Variants in USP31 observed in about 807,000 individuals in gnomAD.
USP31 encodes ubiquitin carboxyl-terminal hydrolase 31.
Under a neutral mutation model 119.4 loss-of-function variants are expected in USP31, and 44 were observed. That is an observed-to-expected ratio of 0.37 (90% CI 0.29 to 0.47). The LOEUF is 0.47. Among genes scored for constraint, USP31 ranks in the 20% least tolerant of loss-of-function variants. The probability of loss-of-function intolerance (pLI) is 0.99; values close to 1 mark genes in which losing one functional copy is unlikely to be tolerated. For synonymous variants in USP31, 749 were observed against 705.6 expected (o/e 1.06, Z -0.97); for missense variants, 1,643 against 1,730.2 (o/e 0.95, Z 0.89).
At chr16:23,130,275 C>G (rs144462208) in intron 1 of USP31, among the ~76,000 whole-genome samples, 21 of 152,238 alleles carry the variant, frequency 1.4e-4, no homozygotes, top group African/African-American at 4.3e-4. Flanking sequence ...TAATAAGATT[C>G]ATCTGGCAGC....
chr16:23,134,902 A>T (rs1210068532), intron 1 of USP31, among the ~76,000 whole-genome samples: 1 of 151,794 alleles, frequency 6.6e-6, no homozygotes, highest in Non-Finnish European at 1.5e-5. Context: ...ACACACACAC[A>T]CACACACACA....
chr16:23,092,564 A>G (rs1269280636), intron 6 of USP31, among the ~76,000 whole-genome samples: 1 of 152,194 alleles, frequency 6.6e-6, no homozygotes, highest in Admixed American at 6.5e-5. Flanking sequence ...CCTGCAGGTA[A>G]AGGGAGTGAG....
rs1034522603 is a variant in USP31, at chr16:23,062,347, A to C, written c.*5699T>G. The C allele has an allele frequency of 2.6e-5, 4 of 152,062 alleles. No homozygotes were observed. Among genetic ancestry groups the C allele is most frequent in the African/African-American group, 4.8e-5 (2 of 41,312 alleles). The allele number at this position is 152,062 out of a possible 1,614,324, so 9.4% of individuals were successfully genotyped here. ...AAACAAAAAACAAAACAAAACAAAA[A>C]CACGAAAAAATAGCAATAAGGGTTT... On this transcript the variant is annotated 3_prime_UTR_variant, in exon 16 of 16. Transcript: ENST00000219689.
intron 1 of USP31, among the ~76,000 whole-genome samples, chr16:23,125,441 A>C (rs1215754302): frequency 1.3e-5 from 2 of 152,224 alleles, no homozygotes; most frequent in East Asian, 3.9e-4. Flanking sequence ...CAGCTGCCTG[A>C]CATCACAATA....
chr16:23,103,686 A>G (rs1158175203), intron 5 of USP31, among the ~76,000 whole-genome samples: 2 of 152,228 alleles, frequency 1.3e-5, no homozygotes, highest in East Asian at 1.9e-4. Context: ...AGGCCAAGAC[A>G]GAAGGACTGC....
intron 2 of USP31, among the ~76,000 whole-genome samples, chr16:23,107,228 A>G (rs1049221177): frequency 6.6e-6 from 1 of 152,100 alleles, no homozygotes; most frequent in East Asian, 1.9e-4. Flanking sequence ...TTAACTTTTC[A>G]TGTCCCTCCG....
intron 2 of USP31, among the ~76,000 whole-genome samples, chr16:23,107,487 A>C (rs981062927): frequency 6.6e-6 from 1 of 152,244 alleles, no homozygotes; most frequent in South Asian, 2.1e-4. Flanking sequence ...GAATTATCAA[A>C]AACTTTAAAA....
rs143371027 is a variant in USP31, at chr16:23,074,150, G to C, written c.2177-270C>G. ...ATTTAAACCAATGGGTCTCAACCAGGGAACTGTGTCTGTGGCGGGGGGAGT... is the reference window on the plus strand; with the variant it reads ...ATTTAAACCAATGGGTCTCAACCAGCGAACTGTGTCTGTGGCGGGGGGAGT... On this transcript the variant is annotated intron_variant, in intron 13 of 15. Coordinates refer to ENST00000219689, the MANE Select transcript of USP31 (RefSeq NM_020718.4). Among the ~76,000 whole-genome samples the C allele has an allele frequency of 2.6e-5, 4 of 152,320 alleles. No individual in the cohort carries two copies. The East Asian group carries it at 7.7e-4, about 29-fold the overall frequency.
intron 6 of USP31, among the ~76,000 whole-genome samples, chr16:23,099,465 C>T (rs745393564): frequency 6.6e-6 from 1 of 152,128 alleles, no homozygotes; most frequent in Non-Finnish European, 1.5e-5. Context: ...AATCCCATTA[C>T]TGGGTATATA....
intron 6 of USP31, among the ~76,000 whole-genome samples, chr16:23,100,160 C>T (rs949683594): frequency 2.0e-5 from 3 of 152,160 alleles, no homozygotes; most frequent in South Asian, 2.1e-4. Flanking sequence ...CACAACCCAG[C>T]AGTTCTATTC....
chr16:23,149,104 G>A lies in USP31; in HGVS notation c.167C>T (p.Ser56Phe), dbSNP rs906763603. ...PAAPSSPSSP[S>F]SARSVGSFMS... The stretch of plus-strand genomic sequence containing the variant: ...GAAGCTGCCCACCGAGCGTGCAGAG[G>A]AGGGCGAGGAGGGCGAGGAAGGCGC... Residue 56 changes from serine to phenylalanine, a missense_variant, in exon 1 of 16, where the codon TCC becomes TTC. Coordinates refer to ENST00000219689, the MANE Select transcript of USP31 (RefSeq NM_020718.4). The A allele has an allele frequency of 9.5e-6, 12 of 1,260,982 alleles. No individual in the cohort carries two copies. The Admixed American group carries it at 1.1e-4, about 12-fold the overall frequency. The allele number at this position is 1,260,982 out of a possible 1,614,324, so 78.1% of individuals were successfully genotyped here.
At chr16:23,097,277 C>T (rs1183811932) in intron 6 of USP31, among the ~76,000 whole-genome samples, 2 of 152,146 alleles carry the variant, frequency 1.3e-5, no homozygotes, top group Non-Finnish European at 2.9e-5. Context: ...ATACACCCTC[C>T]CAAGACTAAA....
In USP31 at chr16:23,064,092, CAAAT is replaced by C. The variant is rs1289725856; in HGVS notation, c.*3950_*3953del. On this transcript the variant is annotated 3_prime_UTR_variant, in exon 16 of 16. Coordinates refer to ENST00000219689, the MANE Select transcript of USP31 (RefSeq NM_020718.4). ...CAGCAAAGTTTGCCTTTCTCAACTA[CAAAT>C]AATACAAAGTTCCACGCACCTCCAG... 1 of 152,622 alleles carries C rather than the reference CAAAT, an allele frequency of 6.6e-6. No homozygotes were observed. The highest frequency in any genetic ancestry group is 1.5e-5 in the Non-Finnish European group (1 of 68,028). The allele number at this position is 152,622 out of a possible 1,614,324, so 9.5% of individuals were successfully genotyped here. A position where few individuals can be genotyped will look rare whatever the true frequency, so the allele number is the denominator to read the frequency against.
In USP31 at chr16:23,148,751, G is replaced by C; in HGVS notation, c.520C>G (p.Gln174Glu). The change falls in exon 1 of 16, where the codon CAG (glutamine) becomes GAG (glutamate). Residue 174 changes from glutamine to glutamate, a missense_variant. Physicochemically the swap from Gln to Glu is conservative, Grantham distance 29 (BLOSUM62 2). This residue lies in a region of USP31 where 302 missense variants were observed against 262.6 expected (regional missense o/e 1.15). Transcript: ENST00000219689. ...CCCTGCGCGCCGCGGCCCGCAGGCT[G>C]CTCCGGGTCAGGCGAGGGCTCGGGC... is the stretch of plus-strand genomic sequence containing the variant. ...GRPEPSPDPE[Q>E]PAGRGAQGQG... The C allele has an allele frequency of 6.6e-7, 1 of 1,507,994 alleles. No individual in the cohort carries two copies. Among genetic ancestry groups the C allele is most frequent in the South Asian group, 1.3e-5 (1 of 78,226 alleles). The allele number at this position is 1,507,994 out of a possible 1,614,324, so 93.4% of individuals were successfully genotyped here. A position where few individuals can be genotyped will look rare whatever the true frequency, so the allele number is the denominator to read the frequency against.
In USP31 at chr16:23,090,800, A is replaced by G; in HGVS notation, c.1239T>C (p.Ile413=). 2 of 1,553,672 alleles carry G rather than the reference A, an allele frequency of 1.3e-6. No homozygotes were observed. The highest frequency in any genetic ancestry group is 1.8e-6 in the Non-Finnish European group (2 of 1,137,220). The change falls in exon 7 of 16, where the codon ATT becomes ATC. Residue 413 remains isoleucine, a synonymous_variant. Coordinates refer to ENST00000219689, the MANE Select transcript of USP31 (RefSeq NM_020718.4). ...AGTGGTTTAGGTTGTTGTTTAAATGAATTCCTGAAACAGAATAAAAACAAC... is the reference window on the plus strand; with the variant it reads ...AGTGGTTTAGGTTGTTGTTTAAATGGATTCCTGAAACAGAATAAAAACAAC... ...RPEGILSQRG[I]HLNNNLNHLK...
chr16:23,087,027 A>G, intron 9 of USP31, 65 bp downstream of exon 9: 1 of 1,212,890 alleles, frequency 8.2e-7, no homozygotes, highest in Non-Finnish European at 1.2e-6. Flanking sequence ...ATAAGACATC[A>G]CTTGAAATCA....
Position 23,068,635 on chromosome 16 carries a change from T to G in USP31, c.3470A>C (p.Glu1157Ala). Residue 1157 changes from glutamate (E) to alanine (A), a missense_variant, in exon 16 of 16, where the codon GAG becomes GCG. Glu to Ala is a moderately radical substitution (Grantham distance 107, BLOSUM62 -1). Transcript: ENST00000219689. ...SRTSDHSLSREGSRQSLGSDR... is the reference protein window; with the variant it reads ...SRTSDHSLSRAGSRQSLGSDR... ...AGAACCCAAGCTTTGTCTGGAGCCCTCTCTACTCAAGCTGTGGTCTGAAGT... is the reference window on the plus strand; with the variant it reads ...AGAACCCAAGCTTTGTCTGGAGCCCGCTCTACTCAAGCTGTGGTCTGAAGT... 6.2e-7 allele frequency: 1 copy of G among 1,614,208 alleles called. No individual in the cohort carries two copies. The highest frequency in any genetic ancestry group is 8.5e-7 in the Non-Finnish European group (1 of 1,180,048).
chr16:23,148,662 G>C lies in USP31; in HGVS notation c.609C>G (p.Thr203=), dbSNP rs1483340961. The change falls in exon 1 of 16, where the codon ACC becomes ACG. Residue 203 remains threonine, a synonymous_variant. Coordinates refer to ENST00000219689, the MANE Select transcript of USP31 (RefSeq NM_020718.4). ...CCTTGAAGTCGCGGCTGTGCTGCGG[G>C]GTGTACTCCAGGGTCCAGAGGGCCC... ...LVRALWTLEY[T]PQHSRDFKTI... The C allele has an allele frequency of 3.3e-6, 5 of 1,498,054 alleles. No individual in the cohort carries two copies. In the South Asian group the frequency reaches 3.8e-5, roughly 11 times the overall value. 92.8% of individuals were successfully genotyped at this position (1,498,054 alleles called of 1,614,324 possible).
intron 1 of USP31, among the ~76,000 whole-genome samples, chr16:23,126,389 C>G (rs1567244596): frequency 2.7e-5 from 4 of 148,256 alleles, no homozygotes; most frequent in African/African-American, 1.0e-4. Context: ...CTTTGGGAGG[C>G]TGAGGCGGGT....
Sources: allele counts gnomAD v4.1 joint callset (sites outside exome capture counted in the v4.1 genomes callset), GRCh38; gene constraint gnomAD v4.1.1; regional missense constraint gnomAD v4.1.1; transcripts MANE v1.5; gene names NCBI Gene and HGNC (gene_info 2026-07-23, HGNC 2026-07-21).